Variants in COBL observed in about 807,000 individuals in gnomAD.
COBL encodes cordon-bleu WH2 repeat protein, also known as protein cordon-bleu.
Under a neutral mutation model 98.8 loss-of-function variants are expected in COBL, and 51 were observed. That is an observed-to-expected ratio of 0.52 (90% CI 0.41 to 0.65). The LOEUF (loss-of-function observed/expected upper bound fraction) is 0.65, where lower values mean the gene tolerates loss of function less well. Among genes scored for constraint, COBL ranks in the 30% least tolerant of loss-of-function variants. The pLI is 0.00. For missense variants in COBL, 1,617 were observed against 1,617.5 expected, an observed-to-expected ratio of 1.00 and a Z score of 0.01; for synonymous variants, 634 against 651.7, an observed-to-expected ratio of 0.97 and a Z score of 0.41.
chr7:51,049,826 T>C (rs1174156976), intron 7 of COBL, among the ~76,000 whole-genome samples: 1 of 152,184 alleles, frequency 6.6e-6, no homozygotes, highest in Non-Finnish European at 1.5e-5. Flanking sequence ...AGGCACGGTT[T>C]GGAGAGGCTG....
chr7:51,110,543 T>C (rs9969248), intron 6 of COBL, among the ~76,000 whole-genome samples: 60,322 of 152,142 alleles, frequency 0.4, 12,121 homozygotes, highest in East Asian at 0.56. Context: ...TCCATATCTT[T>C]ATTTTATTTT....
chr7:51,142,383 ATTTTTTT>A (rs10608547), intron 5 of COBL, among the ~76,000 whole-genome samples: 1 of 71,414 alleles, frequency 1.4e-5, no homozygotes, highest in African/African-American at 4.8e-5. Context: ...CTGGTATTTG[ATTTTTTT>A]TTTTTTTTTT....
intron 1 of COBL, among the ~76,000 whole-genome samples, chr7:51,263,129 C>T (rs975364431): frequency 6.6e-6 from 1 of 152,148 alleles, no homozygotes; most frequent in East Asian, 1.9e-4. Flanking sequence ...GGGAGTTCCC[C>T]CCAGCTCACC....
chr7:51,299,937 C>T (rs1372912291), intron 1 of COBL, among the ~76,000 whole-genome samples: 1 of 152,182 alleles, frequency 6.6e-6, no homozygotes, highest in Non-Finnish European at 1.5e-5. Context: ...TCTGCAGATG[C>T]TCACTCCTAG....
intron 5 of COBL, among the ~76,000 whole-genome samples, chr7:51,162,160 T>C (rs1340381691): frequency 6.6e-6 from 1 of 152,166 alleles, no homozygotes; most frequent in Non-Finnish European, 1.5e-5. Flanking sequence ...TTAACTGCAG[T>C]GTAATCTGTT....
chr7:51,266,121 G>C (rs771029482), intron 1 of COBL, among the ~76,000 whole-genome samples: 1 of 152,066 alleles, frequency 6.6e-6, no homozygotes. Flanking sequence ...TTTTAATTTT[G>C]TAAGAAACAA....
At chr7:51,178,155 T>C (rs1380670693) in intron 5 of COBL, among the ~76,000 whole-genome samples, 1 of 152,044 alleles carries the variant, frequency 6.6e-6, no homozygotes, top group African/African-American at 2.4e-5. Flanking sequence ...TCTCACTCTC[T>C]GTCTCTCTCT....
chr7:51,164,961 T>G (rs1000224099), intron 5 of COBL, among the ~76,000 whole-genome samples: 1 of 152,000 alleles, frequency 6.6e-6, no homozygotes, highest in Non-Finnish European at 1.5e-5. Flanking sequence ...GCAAGCCTCA[T>G]GGTAACTTCC....
In COBL at chr7:51,043,505, G is replaced by T; in HGVS notation, c.1284C>A (p.Tyr428Ter). The T allele has an allele frequency of 6.2e-7, 1 of 1,614,184 alleles. No individual in the cohort carries two copies. Among genetic ancestry groups the T allele is most frequent in the Non-Finnish European group, 8.5e-7 (1 of 1,180,032 alleles). Residue 428 changes from tyrosine to a stop codon, truncating the protein, a stop_gained, in exon 8 of 13, where the codon TAC (tyrosine) becomes TAA (stop). Coordinates refer to ENST00000265136, the MANE Select transcript of COBL (RefSeq NM_015198.5). LOFTEE classifies it high-confidence loss of function. The stretch of plus-strand genomic sequence containing the variant: ...CCTGGTCTGTGGCCCACTTGTCTTT[G>T]TATTTCATGCTGTCCTGCTGCGAGT... ...SLDSQQDSMKYKDKWATDQED... is the reference protein window; with the variant it reads ...SLDSQQDSMK
In COBL at chr7:51,028,137, C is replaced by T. The variant is rs774404747; in HGVS notation, c.2959G>A (p.Val987Ile). 2 of 1,614,126 alleles carry T rather than the reference C, an allele frequency of 1.2e-6. No homozygotes were observed. The highest frequency in any genetic ancestry group is 1.1e-5 in the South Asian group (1 of 91,094). ...SLVQSSQRDR[V>I]SVGQSCGFSG... ...AAACCACAGCTCTGTCCCACAGAAA[C>T]ACGATCCCTCTGGGAAGACTGAACC... Residue 987 changes from valine to isoleucine, a missense_variant, in exon 10 of 13, where the codon GTT (valine) becomes ATT (isoleucine). Around this residue, in one of 3 missense-constraint regions of COBL, gnomAD observed 1,304 missense variants for 1,282.0 expected, o/e 1.02. Transcript: ENST00000265136.
chr7:51,289,855 A>G (rs928390525), intron 1 of COBL, among the ~76,000 whole-genome samples: 1 of 152,248 alleles, frequency 6.6e-6, no homozygotes, highest in Non-Finnish European at 1.5e-5. Flanking sequence ...TGTCAGAAAC[A>G]TAAAGACCGA....
intron 7 of COBL, among the ~76,000 whole-genome samples, chr7:51,080,031 C>T (rs1793480527): frequency 6.6e-6 from 1 of 152,136 alleles, no homozygotes; most frequent in Non-Finnish European, 1.5e-5. Context: ...GGGCTGAGTT[C>T]CAGGCAGGCT....
chr7:51,248,293 AG>A (rs1288581103), intron 1 of COBL, among the ~76,000 whole-genome samples: 1 of 152,222 alleles, frequency 6.6e-6, no homozygotes, highest in Non-Finnish European at 1.5e-5. Flanking sequence ...TCGTTGATTT[AG>A]AATATGAAAT....
intron 4 of COBL, among the ~76,000 whole-genome samples, chr7:51,189,805 G>A (rs2129056076): frequency 6.6e-6 from 1 of 152,298 alleles, no homozygotes; most frequent in East Asian, 1.9e-4. Flanking sequence ...CTTATTAGAA[G>A]AGAAACTTTT....
chr7:51,218,520 C>G (rs183613458), intron 2 of COBL, among the ~76,000 whole-genome samples: 1 of 152,326 alleles, frequency 6.6e-6, no homozygotes, highest in East Asian at 1.9e-4. Flanking sequence ...GTTGCCCAGG[C>G]TGGAGTGCAA....
intron 5 of COBL, among the ~76,000 whole-genome samples, chr7:51,176,054 G>T (rs1040658854): frequency 6.6e-6 from 1 of 152,138 alleles, no homozygotes; most frequent in Admixed American, 6.5e-5. Context: ...TAGGGAATAC[G>T]CTAGACAGGA....
intron 6 of COBL, among the ~76,000 whole-genome samples, chr7:51,102,541 G>A (rs919889760): frequency 1.3e-5 from 2 of 152,136 alleles, no homozygotes; most frequent in African/African-American, 4.8e-5. Flanking sequence ...TTAAATGCTG[G>A]TGTGTTTATC....
intron 1 of COBL, among the ~76,000 whole-genome samples, chr7:51,233,567 C>T (rs760437178): frequency 3.3e-5 from 5 of 152,144 alleles, no homozygotes; most frequent in Admixed American, 6.5e-5. Flanking sequence ...GCATCTCTGC[C>T]GCCTGCTGAT....
intron 6 of COBL, among the ~76,000 whole-genome samples, chr7:51,099,704 A>AT (rs1795643812): frequency 6.6e-6 from 1 of 152,054 alleles, no homozygotes; most frequent in African/African-American, 2.4e-5. Context: ...AATGATTAAG[A>AT]TTATACATTT....
Sources: gnomAD v4.1 joint callset for allele counts (sites outside exome capture counted in the v4.1 genomes callset) on GRCh38, gnomAD v4.1.1 for gene constraint, gnomAD v4.1.1 regional missense constraint, MANE v1.5 for transcripts, NCBI Gene and HGNC (gene_info 2026-07-23, HGNC 2026-07-21) for gene names.